PRP4K: variants seen among roughly 807,000 people sequenced by gnomAD.
The protein encoded by PRP4K is pre-mRNA processing factor kinase PRP4K, also known as serine/threonine-protein kinase PRP4 homolog.
At chr6:4,051,941 T>C in the PRP4K span, 1 of 1,487,016 alleles carries the variant, frequency 6.7e-7, no homozygotes, top group East Asian at 2.3e-5. Flanking sequence ...TACCCCAATT[T>C]TTTTTTTTAT....
chr6:4,045,718 C>T, the PRP4K span, among the ~76,000 whole-genome samples: 1 of 152,170 alleles, frequency 6.6e-6, no homozygotes, highest in Non-Finnish European at 1.5e-5. Context: ...ATCATTACTA[C>T]ATATACTAAC....
At chr6:4,031,826 A>G in the PRP4K span, 1 of 1,614,072 alleles carries the variant, frequency 6.2e-7, no homozygotes. Flanking sequence ...TTGATGATTT[A>G]GCTTTGCTAG....
the PRP4K span, among the ~76,000 whole-genome samples, chr6:4,027,266 T>C: frequency 6.6e-6 from 1 of 152,196 alleles, no homozygotes; most frequent in African/African-American, 2.4e-5. Context: ...TCAACTCAAA[T>C]GGAGAGACAT....
the PRP4K span, among the ~76,000 whole-genome samples, chr6:4,055,207 C>G: frequency 6.6e-6 from 1 of 152,136 alleles, no homozygotes; most frequent in Non-Finnish European, 1.5e-5. Context: ...TTAGCCAGCC[C>G]AAGAGTTCCA....
chr6:4,056,091 T>C, the PRP4K span, among the ~76,000 whole-genome samples: 99,244 of 151,406 alleles, frequency 0.66, 32,803 homozygotes, highest in East Asian at 0.77. Context: ...CTTTGTGATA[T>C]CCATTTCCTC....
chr6:4,029,335 C>T, the PRP4K span, among the ~76,000 whole-genome samples: 1 of 131,486 alleles, frequency 7.6e-6, no homozygotes, highest in Non-Finnish European at 1.6e-5. Flanking sequence ...GGCGGTGTTA[C>T]TCAATTTTTT....
the PRP4K span, chr6:4,049,169 T>A: frequency 7.2e-7 from 1 of 1,383,758 alleles, no homozygotes; most frequent in Non-Finnish European, 1.0e-6. Context: ...GCATGCTGCT[T>A]GATGCAATCA....
the PRP4K span, chr6:4,052,141 AT>A: frequency 6.7e-7 from 1 of 1,498,860 alleles, no homozygotes. Flanking sequence ...TAACTTCTTC[AT>A]CTTTACGATC....
At chr6:4,060,984 A>G in the PRP4K span, 1 of 247,360 alleles carries the variant, frequency 4.0e-6, no homozygotes, top group Admixed American at 5.1e-5. This position sits in a 1 kb window ranked among gnomAD's most constrained non-coding sequence, Gnocchi z 4.7. Flanking sequence ...AATGGCCAGC[A>G]TAAATGCTGT....
the PRP4K span, among the ~76,000 whole-genome samples, chr6:4,027,965 C>G: frequency 6.6e-6 from 1 of 152,180 alleles, no homozygotes; most frequent in Non-Finnish European, 1.5e-5. Context: ...TTTAAAGACT[C>G]TCCTACCTTC....
the PRP4K span, among the ~76,000 whole-genome samples, chr6:4,027,389 A>G: frequency 6.6e-6 from 1 of 152,162 alleles, no homozygotes; most frequent in Non-Finnish European, 1.5e-5. Flanking sequence ...AAACCGAGGC[A>G]CAGAAGAGCA....
the PRP4K span, chr6:4,052,937 A>G: frequency 2.1e-6 from 3 of 1,413,924 alleles, no homozygotes; most frequent in Middle Eastern, 1.8e-4. Flanking sequence ...TACTAGCAGT[A>G]ATATTATTAC....
At chr6:4,032,228 G>A in the PRP4K span, 3 of 1,613,940 alleles carry the variant, frequency 1.9e-6, no homozygotes, top group Non-Finnish European at 2.5e-6. Flanking sequence ...ATCAAGCAAG[G>A]AAATCAAAAT....
chr6:4,034,921 C>T, the PRP4K span, among the ~76,000 whole-genome samples: 1 of 151,956 alleles, frequency 6.6e-6, no homozygotes, highest in Non-Finnish European at 1.5e-5. Context: ...CCATGTTGGC[C>T]AGGCTGGTCT....
chr6:4,058,230 G>A, the PRP4K span, among the ~76,000 whole-genome samples: 1 of 152,180 alleles, frequency 6.6e-6, no homozygotes, highest in Non-Finnish European at 1.5e-5. Context: ...TGACCAGGCT[G>A]ATTTGTACAT....
chr6:4,035,310 TTTTTTTTG>T, the PRP4K span, among the ~76,000 whole-genome samples: 30 of 134,268 alleles, frequency 2.2e-4, no homozygotes, highest in East Asian at 7.4e-4. Flanking sequence ...TTTTTTTTTT[TTTTTTTTG>T]ATATTTTTAG....
At chr6:4,023,872 A>ATT in the PRP4K span, among the ~76,000 whole-genome samples, 296 of 146,364 alleles carry the variant, frequency 2.0e-3, no homozygotes, top group East Asian at 2.4e-3. Context: ...TGCCCAGCTA[A>ATT]TTTTTTTTTT....
At chr6:4,051,233 C>G in the PRP4K span, among the ~76,000 whole-genome samples, 43 of 152,006 alleles carry the variant, frequency 2.8e-4, no homozygotes, top group African/African-American at 1.0e-3. Context: ...TTAAAGGAAC[C>G]AAGACTAGTG....
At chr6:4,029,746 C>T in the PRP4K span, among the ~76,000 whole-genome samples, 1 of 152,054 alleles carries the variant, frequency 6.6e-6, no homozygotes, top group Admixed American at 6.6e-5. Flanking sequence ...TTTCTGTGAT[C>T]TACAAAACAG....
Sources: allele counts gnomAD v4.1 joint callset (sites outside exome capture counted in the v4.1 genomes callset), GRCh38; gene constraint gnomAD v4.1.1; non-coding constraint Gnocchi (gnomAD v3.1); transcripts MANE v1.5; gene names NCBI Gene and HGNC (gene_info 2026-07-23, HGNC 2026-07-21).